RNF212B: variants seen among roughly 807,000 people sequenced by gnomAD.
The protein encoded by RNF212B is ring finger protein 212B.
RNF212B carries 52 observed loss-of-function variants against 55.5 expected under a neutral mutation model. The ratio of observed to expected loss-of-function variants is 0.94; its 90% CI spans 0.75 to 1.18. The LOEUF (loss-of-function observed/expected upper bound fraction) is 1.18, where lower values mean the gene tolerates loss of function less well. RNF212B is among the 50% of genes most tolerant of loss of function. RNF212B has a pLI of 0.00. For synonymous variants in RNF212B, 99 were observed against 121.4 expected (o/e 0.82, Z 1.21); for missense variants, 289 against 350.4 (o/e 0.82, Z 1.40).
chr14:23,234,049 A>G (rs1317266495), upstream of RNF212B, among the ~76,000 whole-genome samples: 1 of 152,162 alleles, frequency 6.6e-6, no homozygotes, highest in Non-Finnish European at 1.5e-5. Flanking sequence ...GTGAGCTGAG[A>G]TAGTACCACT....
intron 14 of RNF212B, 166 bp from the exon 15 acceptor site, chr14:23,272,657 C>A: frequency 1.6e-6 from 1 of 632,710 alleles, no homozygotes. Flanking sequence ...CTAGATGTAG[C>A]AAATCCTAGT....
chr14:23,248,910 T>G (rs1884204871), intron 4 of RNF212B, among the ~76,000 whole-genome samples: 1 of 152,220 alleles, frequency 6.6e-6, no homozygotes, highest in Non-Finnish European at 1.5e-5. Context: ...CCAGTAAATA[T>G]TTTAAGCTTT....
chr14:23,199,875 G>A (rs1478803050), intron 2 of RNF212B, among the ~76,000 whole-genome samples: 2 of 152,024 alleles, frequency 1.3e-5, no homozygotes, highest in Non-Finnish European at 2.9e-5. Context: ...AGAAAGCACA[G>A]CTTAGTTTTC....
chr14:23,205,256 C>T (rs1879720871), intron 2 of RNF212B, among the ~76,000 whole-genome samples: 1 of 150,516 alleles, frequency 6.6e-6, no homozygotes, highest in Non-Finnish European at 1.5e-5. Context: ...TATACAGAGC[C>T]TTTAAATGAG....
intron 4 of RNF212B, among the ~76,000 whole-genome samples, chr14:23,245,119 C>G (rs1883896276): frequency 6.6e-6 from 1 of 152,150 alleles, no homozygotes; most frequent in African/African-American, 2.4e-5. Context: ...GTTTTTATCA[C>G]TGTTCCCTTT....
chr14:23,203,873 C>T (rs184192317), intron 2 of RNF212B, among the ~76,000 whole-genome samples: 10 of 152,298 alleles, frequency 6.6e-5, no homozygotes, highest in South Asian at 2.1e-4. Flanking sequence ...CTCTGATCAC[C>T]GTATCCATGC....
intron 2 of RNF212B, among the ~76,000 whole-genome samples, chr14:23,218,229 G>T (rs369842553): frequency 6.6e-6 from 1 of 151,684 alleles, no homozygotes; most frequent in African/African-American, 2.4e-5. Context: ...TTAGCCGGGC[G>T]TGGTGGCACA....
intron 2 of RNF212B, among the ~76,000 whole-genome samples, chr14:23,201,129 T>C (rs1879250940): frequency 6.6e-6 from 1 of 152,214 alleles, no homozygotes; most frequent in African/African-American, 2.4e-5. Flanking sequence ...TCCATGCAGT[T>C]AATTCCTGTT....
At chr14:23,254,360 C>A (rs185167233) in intron 4 of RNF212B, among the ~76,000 whole-genome samples, 2 of 151,770 alleles carry the variant, frequency 1.3e-5, no homozygotes, top group Admixed American at 1.3e-4. Flanking sequence ...TAAAACTGGG[C>A]ATGGTGGCTC....
At chr14:23,272,785 A>G in intron 14 of RNF212B, 38 bp from the exon 15 acceptor site, 1 of 1,410,980 alleles carries the variant, frequency 7.1e-7, no homozygotes, top group Non-Finnish European at 9.8e-7. Flanking sequence ...TTTTGCTGTT[A>G]TAAACACCCA....
At chr14:23,203,948 T>C (rs2140374307) in intron 2 of RNF212B, among the ~76,000 whole-genome samples, 1 of 152,320 alleles carries the variant, frequency 6.6e-6, no homozygotes, top group South Asian at 2.1e-4. Flanking sequence ...TGGTGTTGCA[T>C]TGTGGTTTTG....
chr14:23,230,653 C>CAAAAAAA (rs60122483), intron 2 of RNF212B, among the ~76,000 whole-genome samples: 1 of 74,002 alleles, frequency 1.4e-5, no homozygotes. Context: ...GACTCCATCT[C>CAAAAAAA]AAAAAAAAAA....
intron 6 of RNF212B, 73 bp from the exon 7 acceptor site, chr14:23,260,586 A>G (rs947455230): frequency 7.1e-7 from 1 of 1,414,194 alleles, no homozygotes; most frequent in Non-Finnish European, 9.8e-7. Context: ...GTTATCTCGC[A>G]AGTAAGACTG....
chr14:23,272,906 C>G lies in RNF212B; in HGVS notation c.*15C>G. On this transcript the variant is annotated 3_prime_UTR_variant, in exon 15 of 15. Transcript: ENST00000430154. ...CTTCTAGATAGATCATCTTCAAGAT[C>G]TGATCTATACATGCTGCTGAAGGAT... 1 of 1,454,432 alleles carries G rather than the reference C, an allele frequency of 6.9e-7. No individual in the cohort carries two copies. The highest frequency in any genetic ancestry group is 1.3e-5 in the South Asian group (1 of 79,134). 90.1% of individuals were successfully genotyped at this position (1,454,432 alleles called of 1,614,324 possible). A position where few individuals can be genotyped will look rare whatever the true frequency, so the allele number is the denominator to read the frequency against.
At chr14:23,192,683 A>G (rs1878229471) in intron 1 of RNF212B, among the ~76,000 whole-genome samples, 2 of 152,206 alleles carry the variant, frequency 1.3e-5, no homozygotes, top group South Asian at 2.1e-4. Context: ...CTTAAAGTAT[A>G]ATAATAAAAA....
At chr14:23,246,820 CAT>C (rs1358967994) in intron 4 of RNF212B, among the ~76,000 whole-genome samples, 1 of 152,108 alleles carries the variant, frequency 6.6e-6, no homozygotes, top group Admixed American at 6.5e-5. Flanking sequence ...AGTTGAAGAT[CAT>C]ATAAGTGAAA....
At chr14:23,216,259 C>G (rs1040384498) in intron 2 of RNF212B, among the ~76,000 whole-genome samples, 1 of 151,552 alleles carries the variant, frequency 6.6e-6, no homozygotes, top group South Asian at 2.1e-4. Context: ...AAAACAAAAA[C>G]AAAACAAAAC....
intron 1 of RNF212B, among the ~76,000 whole-genome samples, chr14:23,192,953 A>C (rs570240547): frequency 6.6e-6 from 1 of 151,862 alleles, no homozygotes; most frequent in Non-Finnish European, 1.5e-5. Flanking sequence ...TTAGCCGGGC[A>C]TGGTGGCACA....
chr14:23,195,428 T>C (rs1057376636), intron 2 of RNF212B, among the ~76,000 whole-genome samples: 2 of 152,152 alleles, frequency 1.3e-5, no homozygotes, highest in Non-Finnish European at 2.9e-5. Context: ...CTTCACCATA[T>C]CTCTTGTCTA....
Sources: allele counts gnomAD v4.1 joint callset (sites outside exome capture counted in the v4.1 genomes callset), GRCh38; gene constraint gnomAD v4.1.1; transcripts MANE v1.5; gene names NCBI Gene and HGNC (gene_info 2026-07-23, HGNC 2026-07-21).